The following DAB1 variants were observed in gnomAD, a reference collection of about 807,000 sequenced individuals.
DAB1 encodes DAB adaptor protein 1.
In DAB1, 15 loss-of-function variants were observed where a neutral mutation model predicts 64.6. The observed-to-expected ratio is 0.23, with a 90% confidence interval of 0.16 to 0.36. The LOEUF is 0.36. DAB1 is among the 10% of genes least tolerant of loss of function. The pLI, the probability that DAB1 is intolerant of heterozygous loss-of-function variation, is 1.00. For synonymous variants in DAB1, 235 were observed against 251.9 expected, an observed-to-expected ratio of 0.93 and a Z score of 0.64; for missense variants, 596 against 706.7, an observed-to-expected ratio of 0.84 and a Z score of 1.78.
In DAB1 at chr1:57,543,519, T is replaced by G. The variant is rs563444542; in HGVS notation, n.625+106073A>C. On this transcript the variant is annotated intron_variant and non_coding_transcript_variant, in intron 7 of 20. Transcript: ENST00000485760. ...AAACATTGTACCTGCCCTCATTTTTTTATTAGACAAATGGGCATATAAAAA... is the reference window on the plus strand; with the variant it reads ...AAACATTGTACCTGCCCTCATTTTTGTATTAGACAAATGGGCATATAAAAA... Among the ~76,000 whole-genome samples the G allele has an allele frequency of 1.1e-3, 167 of 152,324 alleles. 2 individuals carry two copies. The highest frequency in any genetic ancestry group is 2.0e-3 in the Admixed American group (30 of 15,292).
At chr1:58,521,533 C>CA (rs998102947) in intron 2 of DAB1, among the ~76,000 whole-genome samples, 9 of 150,542 alleles carry the variant, frequency 6.0e-5, no homozygotes, top group African/African-American at 1.2e-4. Flanking sequence ...TAAAATCTAG[C>CA]AAAAAAAAGA....
chr1:57,058,316 G>T (rs1650039537), intron 9 of DAB1, among the ~76,000 whole-genome samples: 1 of 152,226 alleles, frequency 6.6e-6, no homozygotes, highest in Non-Finnish European at 1.5e-5. Flanking sequence ...AACCAACACT[G>T]TCTTAGTTTG....
chr1:57,886,163 C>CTTTTTT (rs36101963), upstream of DAB1, among the ~76,000 whole-genome samples: 5 of 129,478 alleles, frequency 3.9e-5, no homozygotes, highest in East Asian at 2.2e-4. Flanking sequence ...GCCTACTATT[C>CTTTTTT]TTTTTTTTTT....
chr1:57,153,896 T>C (rs563685015), intron 2 of DAB1, among the ~76,000 whole-genome samples: 16 of 152,040 alleles, frequency 1.1e-4, no homozygotes, highest in East Asian at 3.9e-4. Context: ...GCCTCGGCCT[T>C]CCAAAGTGTT....
chr1:58,029,366 A>G (rs1381455243), intron 5 of DAB1, among the ~76,000 whole-genome samples: 1 of 152,224 alleles, frequency 6.6e-6, no homozygotes, highest in East Asian at 1.9e-4. Flanking sequence ...TCTGATGTCA[A>G]GTCCACTTAC....
intron 6 of DAB1, 66 bp from the exon 7 acceptor site, chr1:57,071,127 A>G (rs1651416636): frequency 4.9e-6 from 7 of 1,436,614 alleles, no homozygotes; most frequent in Non-Finnish European, 6.8e-6. Flanking sequence ...GTGAGACTGC[A>G]TTCAGAAATT....
At chr1:57,950,062 T>C (rs12048202) in intron 5 of DAB1, among the ~76,000 whole-genome samples, 62,486 of 152,042 alleles carry the variant, frequency 0.41, 14,038 homozygotes, top group Admixed American at 0.51. Flanking sequence ...GACGGCTTAT[T>C]GCATGCCCTT....
At chr1:58,131,299 T>C (rs1653551014) in intron 5 of DAB1, among the ~76,000 whole-genome samples, 1 of 140,332 alleles carries the variant, frequency 7.1e-6, no homozygotes, top group African/African-American at 2.5e-5. Flanking sequence ...GCCTTGGTTT[T>C]CAGCTCCATC....
chr1:58,098,920 G>T (rs1284981665), intron 5 of DAB1, among the ~76,000 whole-genome samples: 3 of 152,154 alleles, frequency 2.0e-5, no homozygotes, highest in African/African-American at 7.2e-5. Flanking sequence ...TGGCAGCCAA[G>T]CAAAATAATG....
At chr1:57,350,742 C>CA (rs139819618) in intron 1 of DAB1, among the ~76,000 whole-genome samples, 2,996 of 148,728 alleles carry the variant, frequency 0.02, 100 homozygotes, top group African/African-American at 0.067. Flanking sequence ...CAAGTGTCTT[C>CA]AAAAAAAAAA....
intron 5 of DAB1, among the ~76,000 whole-genome samples, chr1:58,000,231 G>A (rs1438121056): frequency 6.6e-6 from 1 of 152,196 alleles, no homozygotes; most frequent in Non-Finnish European, 1.5e-5. Context: ...CATACTTAGT[G>A]CAACTTTTGG....
At chr1:58,419,977 G>A (rs930029224) in intron 3 of DAB1, among the ~76,000 whole-genome samples, 3 of 152,096 alleles carry the variant, frequency 2.0e-5, no homozygotes, top group African/African-American at 7.2e-5. Context: ...CCAATCTGTA[G>A]GTTGCCTCTC....
chr1:57,662,179 CTTTGTTTGTTTG>C (rs369739263), intron 6 of DAB1, among the ~76,000 whole-genome samples: 4 of 151,666 alleles, frequency 2.6e-5, no homozygotes, highest in Admixed American at 6.6e-5. Context: ...GAATGTTGTT[CTTTGTTTGTTTG>C]TTTGTTTGTT....
intron 5 of DAB1, among the ~76,000 whole-genome samples, chr1:57,891,897 G>A (rs908717044): frequency 3.9e-5 from 6 of 152,174 alleles, no homozygotes; most frequent in African/African-American, 1.2e-4. Flanking sequence ...TAATGTAGAC[G>A]ACGGGTTGAT....
chr1:58,152,415 G>A (rs1385037639), intron 4 of DAB1, among the ~76,000 whole-genome samples: 1 of 152,218 alleles, frequency 6.6e-6, no homozygotes, highest in Non-Finnish European at 1.5e-5. Flanking sequence ...AGTAAAGGAA[G>A]GGGTAAAGGG....
At chr1:57,248,414 T>C (rs1669058500) in intron 2 of DAB1, among the ~76,000 whole-genome samples, 1 of 152,176 alleles carries the variant, frequency 6.6e-6, no homozygotes, top group African/African-American at 2.4e-5. Flanking sequence ...GGGCTGAATC[T>C]ATAGCAATAA....
At chr1:57,511,653 C>T (rs1644406713) in intron 7 of DAB1, among the ~76,000 whole-genome samples, 2 of 152,140 alleles carry the variant, frequency 1.3e-5, no homozygotes, top group South Asian at 4.1e-4. Context: ...TCCATGAGGG[C>T]AAGACCTTTT....
intron 4 of DAB1, among the ~76,000 whole-genome samples, chr1:57,097,077 A>G (rs978433373): frequency 2.6e-5 from 4 of 152,212 alleles, no homozygotes; most frequent in Admixed American, 2.6e-4. Flanking sequence ...GTATCTAGCA[A>G]TGAGTGTTGC....
At chr1:57,130,810 T>G (rs1444717455) in intron 4 of DAB1, among the ~76,000 whole-genome samples, 1 of 152,192 alleles carries the variant, frequency 6.6e-6, no homozygotes, top group Non-Finnish European at 1.5e-5. Flanking sequence ...AATTTCATCT[T>G]TCTCTTAGTC....
Sources: gnomAD v4.1 joint callset for allele counts (sites outside exome capture counted in the v4.1 genomes callset) on GRCh38, gnomAD v4.1.1 for gene constraint, MANE v1.5 for transcripts, NCBI Gene and HGNC (gene_info 2026-07-23, HGNC 2026-07-21) for gene names.